Variants in CCDC50 observed in about 807,000 individuals in gnomAD.
CCDC50 encodes coiled-coil domain-containing protein 50.
CCDC50 carries 54 observed loss-of-function variants against 70.2 expected under a neutral mutation model. The ratio of observed to expected loss-of-function variants is 0.77; its 90% CI spans 0.62 to 0.96. The LOEUF (loss-of-function observed/expected upper bound fraction) is 0.96. Among genes scored for constraint, CCDC50 ranks in the 50% least tolerant of loss-of-function variants. The pLI, the probability that CCDC50 is intolerant of heterozygous loss-of-function variation, is 0.00. For missense variants in CCDC50, 558 were observed against 578.7 expected (o/e 0.96, Z 0.37); for synonymous variants, 216 against 198.8 (o/e 1.09, Z -0.73).
At chr3:191,336,611 T>C (rs906031958) in intron 1 of CCDC50, among the ~76,000 whole-genome samples, 1 of 152,172 alleles carries the variant, frequency 6.6e-6, no homozygotes, top group African/African-American at 2.4e-5. Flanking sequence ...TTAAAAACCT[T>C]AGTTCAATAT....
chr3:191,381,943 G>A (rs959253647), intron 9 of CCDC50, among the ~76,000 whole-genome samples: 1 of 152,062 alleles, frequency 6.6e-6, no homozygotes, highest in Non-Finnish European at 1.5e-5. Flanking sequence ...AGTTACCCAC[G>A]AGTTAGTCTC....
chr3:191,373,984 A>G (rs968544608), intron 5 of CCDC50, among the ~76,000 whole-genome samples: 1 of 152,168 alleles, frequency 6.6e-6, no homozygotes, highest in African/African-American at 2.4e-5. Flanking sequence ...CATCTCATCA[A>G]CTTACGGTAG....
chr3:191,375,392 A>G lies in CCDC50; in HGVS notation c.779A>G (p.His260Arg). The G allele has an allele frequency of 6.2e-7, 1 of 1,613,788 alleles. No homozygotes were observed. Residue 260 changes from histidine (H) to arginine (R), a missense_variant, in exon 6 of 12, where the codon CAT (histidine) becomes CGT (arginine). His to Arg is a conservative substitution (Grantham distance 29). Coordinates refer to ENST00000392455, the MANE Select transcript of CCDC50 (RefSeq NM_178335.3). ...ECDDWETKIN[H>R]QTRNWEKQSR... ...GATGACTGGGAGACTAAGATTAACC[A>G]TCAGACTCGAAATTGGGAAAAACAG...
At chr3:191,351,660 A>G (rs145216477) in intron 1 of CCDC50, among the ~76,000 whole-genome samples, 1 of 141,656 alleles carries the variant, frequency 7.1e-6, no homozygotes, top group East Asian at 1.9e-4. Flanking sequence ...AAATGCAAGA[A>G]GAGAAAAAAT....
intron 2 of CCDC50, 79 bp downstream of exon 2, chr3:191,357,229 G>A (rs2108648339): frequency 5.3e-6 from 6 of 1,125,062 alleles, no homozygotes; most frequent in South Asian, 1.3e-5. Flanking sequence ...TAGGGCTTAG[G>A]TGGGGAGAGA....
At chr3:191,345,136 G>T (rs1711867877) in intron 1 of CCDC50, among the ~76,000 whole-genome samples, 1 of 152,192 alleles carries the variant, frequency 6.6e-6, no homozygotes, top group South Asian at 2.1e-4. Flanking sequence ...CTTAACTTGA[G>T]TGCTTTCTGT....
intron 4 of CCDC50, among the ~76,000 whole-genome samples, chr3:191,366,453 C>T (rs9290985): frequency 0.21 from 31,392 of 151,940 alleles, 3,512 homozygotes; most frequent in Non-Finnish European, 0.24. Flanking sequence ...AATGTATTTA[C>T]TAGGAAGTCT....
intron 1 of CCDC50, among the ~76,000 whole-genome samples, chr3:191,356,017 T>C (rs976472961): frequency 6.6e-6 from 1 of 152,228 alleles, no homozygotes; most frequent in Non-Finnish European, 1.5e-5. Flanking sequence ...AGTGTCCTCA[T>C]AGGCAAATCC....
intron 7 of CCDC50, 29 bp downstream of exon 7, chr3:191,380,303 A>G (rs536264167): frequency 7.4e-7 from 1 of 1,359,616 alleles, no homozygotes; most frequent in Non-Finnish European, 1.1e-6. Context: ...AAAAGTTTAG[A>G]TATATTGATG....
intron 1 of CCDC50, among the ~76,000 whole-genome samples, chr3:191,339,348 G>A (rs914763446): frequency 1.2e-4 from 18 of 152,138 alleles, no homozygotes; most frequent in African/African-American, 4.3e-4. Flanking sequence ...CTTCAAGGGA[G>A]TTATGATATA....
At chr3:191,330,935 A>AT (rs1350921348) in intron 1 of CCDC50, among the ~76,000 whole-genome samples, 2 of 152,118 alleles carry the variant, frequency 1.3e-5, no homozygotes. Flanking sequence ...TAGGCGTGAG[A>AT]TTTTAGCGTT....
intron 10 of CCDC50, 149 bp from the exon 11 acceptor site, chr3:191,389,347 G>T (rs1461613281): frequency 2.7e-6 from 2 of 750,432 alleles, no homozygotes; most frequent in Non-Finnish European, 4.9e-6. Flanking sequence ...TCAAGGCCAT[G>T]CAACTGTCCA....
chr3:191,347,320 A>G (rs1711960265), intron 1 of CCDC50, among the ~76,000 whole-genome samples: 2 of 141,778 alleles, frequency 1.4e-5, no homozygotes, highest in African/African-American at 2.5e-5. Flanking sequence ...GCAGTTTGCA[A>G]CTACAGGGGA....
rs989067156 is a variant in CCDC50, at chr3:191,329,623, G to A, written c.-52G>A. The A allele has an allele frequency of 1.0e-4, 160 of 1,577,652 alleles. No individual in the cohort carries two copies. Among genetic ancestry groups the A allele is most frequent in the Non-Finnish European group, 1.4e-4 (160 of 1,162,388 alleles). On this transcript the variant is annotated 5_prime_UTR_variant, in exon 1 of 12. Transcript: ENST00000392455. ...TGCGCTCGGGGCCCCGCTCGGCGCC[G>A]GCGGTGACCGGGAAGCCCGCGTTAA...
Position 191,375,081 on chromosome 3 carries a change from G to T in CCDC50, c.468G>T (p.Arg156Ser). 1 of 1,613,390 alleles carries T rather than the reference G, an allele frequency of 6.2e-7. No individual in the cohort carries two copies. The highest frequency in any genetic ancestry group is 8.5e-7 in the Non-Finnish European group (1 of 1,179,650). Residue 156 changes from arginine (R) to serine (S), a missense_variant, in exon 6 of 12, where the codon AGG becomes AGT. Coordinates refer to ENST00000392455, the MANE Select transcript of CCDC50 (RefSeq NM_178335.3). ...ACTCAGACCAACCAGGGTCAAGGAGGGCCAGGGAATTGGGTTCTGGATTCT... is the reference window on the plus strand; with the variant it reads ...ACTCAGACCAACCAGGGTCAAGGAGTGCCAGGGAATTGGGTTCTGGATTCT... ...YEDGDQPGSR[R>S]ARELGSGFSR...
At chr3:191,336,851 G>C (rs1035193896) in intron 1 of CCDC50, among the ~76,000 whole-genome samples, 1 of 152,218 alleles carries the variant, frequency 6.6e-6, no homozygotes, top group Non-Finnish European at 1.5e-5. Flanking sequence ...GATAAAGAAT[G>C]AGCAGTAATC....
Position 191,375,477 on chromosome 3 carries a change from G to A in CCDC50, c.864G>A (p.Lys288=). The A allele has an allele frequency of 6.2e-7, 1 of 1,613,768 alleles. No individual in the cohort carries two copies. The highest frequency in any genetic ancestry group is 8.5e-7 in the Non-Finnish European group (1 of 1,179,834). ...CACAAAAAGCAGGGCTTCACTGCAA[G>A]GAAGTTGTATATGGGAGGGACCATG... ...KSSQKAGLHC[K]EVVYGRDHGQ... Residue 288 remains lysine (K), a synonymous_variant, in exon 6 of 12, where the codon AAG becomes AAA. Coordinates refer to ENST00000392455, the MANE Select transcript of CCDC50 (RefSeq NM_178335.3).
At position 191,382,778 on chromosome 3, in the gene CCDC50, A is replaced by G; in HGVS notation, c.1275A>G (p.Ser425=). ...PKTAKAANSK[S]KESDEPHHSK... ...CAGCTAAAGCAGCAAATTCCAAGTCAAAAGAGAGTGATGAACCTCACCATT... is the reference window on the plus strand; with the variant it reads ...CAGCTAAAGCAGCAAATTCCAAGTCGAAAGAGAGTGATGAACCTCACCATT... Residue 425 remains serine (S), a synonymous_variant, in exon 10 of 12, where the codon TCA becomes TCG. Transcript: ENST00000392455. The G allele has an allele frequency of 1.2e-6, 2 of 1,613,188 alleles. No homozygotes were observed. The highest frequency in any genetic ancestry group is 1.7e-6 in the Non-Finnish European group (2 of 1,179,290).
intron 4 of CCDC50, among the ~76,000 whole-genome samples, chr3:191,365,494 G>A (rs1712653257): frequency 6.6e-6 from 1 of 152,184 alleles, no homozygotes; most frequent in Admixed American, 6.5e-5. Context: ...TCTTGTTGAA[G>A]TCTTCCTCTC....
Sources: allele counts gnomAD v4.1 joint callset (sites outside exome capture counted in the v4.1 genomes callset), GRCh38; gene constraint gnomAD v4.1.1; transcripts MANE v1.5; gene names NCBI Gene and HGNC (gene_info 2026-07-23, HGNC 2026-07-21).